Variants in SLC25A21 observed in about 807,000 individuals in gnomAD.
SLC25A21 encodes the protein mitochondrial 2-oxodicarboxylate carrier.
A neutral mutation model predicts 43.8 loss-of-function variants in SLC25A21; 47 were observed. That is an observed-to-expected ratio of 1.07 (90% CI 0.85 to 1.37). The LOEUF (loss-of-function observed/expected upper bound fraction) is 1.37, where lower values mean the gene tolerates loss of function less well. Among genes scored for constraint, SLC25A21 ranks in the 40% most tolerant of loss-of-function variants. SLC25A21 has a pLI of 0.00. For synonymous variants in SLC25A21, 131 were observed against 121.3 expected (o/e 1.08, Z -0.52); for missense variants, 352 against 350.2 (o/e 1.00, Z -0.04).
At chr14:37,025,030 A>G (rs1221202475) in intron 1 of SLC25A21, among the ~76,000 whole-genome samples, 1 of 152,124 alleles carries the variant, frequency 6.6e-6, no homozygotes, top group Non-Finnish European at 1.5e-5. Flanking sequence ...TATTCTGTAC[A>G]GGCTTCAAAG....
intron 1 of SLC25A21, among the ~76,000 whole-genome samples, chr14:37,064,874 G>A (rs1175890371): frequency 6.6e-6 from 1 of 152,136 alleles, no homozygotes; most frequent in African/African-American, 2.4e-5. Context: ...AAAGAGTATA[G>A]AACATTGGGA....
intron 2 of SLC25A21, 83 bp from the exon 3 acceptor site, chr14:36,814,084 A>C: frequency 2.4e-6 from 2 of 850,930 alleles, no homozygotes; most frequent in Non-Finnish European, 3.8e-6. Context: ...TTAGAAACTC[A>C]GCTTTTCAGA....
At chr14:36,894,181 T>A (rs1891170217) in intron 1 of SLC25A21, among the ~76,000 whole-genome samples, 1 of 152,200 alleles carries the variant, frequency 6.6e-6, no homozygotes, top group Admixed American at 6.5e-5. Flanking sequence ...GCATGGAATG[T>A]TCTTCCATTT....
At chr14:37,045,434 G>T (rs905304083) in intron 1 of SLC25A21, among the ~76,000 whole-genome samples, 11 of 152,130 alleles carry the variant, frequency 7.2e-5, no homozygotes, top group Non-Finnish European at 1.5e-4. Flanking sequence ...AAGACAAACT[G>T]CTGGGGAAAA....
At position 36,954,498 on chromosome 14, in the gene SLC25A21, T is replaced by C. The variant is rs186590869; in HGVS notation, c.71-79494A>G. 1.2e-3 allele frequency among the ~76,000 whole-genome samples: 188 copies of C among 151,242 alleles called. 3 individuals are homozygous for C. The East Asian group carries it at 0.033, about 27-fold the overall frequency. On this transcript the variant is annotated intron_variant, in intron 1 of 9. Coordinates refer to ENST00000331299, the MANE Select transcript of SLC25A21 (RefSeq NM_030631.4). ...GAAAACACATACATACATATATATATATAAGAAATAATATATATTTAATTG... is the reference window on the plus strand; with the variant it reads ...GAAAACACATACATACATATATATACATAAGAAATAATATATATTTAATTG...
chr14:36,838,624 G>GA (rs1364912487), intron 2 of SLC25A21, among the ~76,000 whole-genome samples: 5 of 152,144 alleles, frequency 3.3e-5, no homozygotes, highest in Non-Finnish European at 7.4e-5. Flanking sequence ...TTAGAGACAG[G>GA]AAAAAGTGAA....
intron 1 of SLC25A21, among the ~76,000 whole-genome samples, chr14:37,123,680 T>C (rs1963249843): frequency 6.6e-6 from 1 of 152,034 alleles, no homozygotes; most frequent in Non-Finnish European, 1.5e-5. Context: ...TTGTATAACA[T>C]AAATCATGAC....
At chr14:36,745,089 C>A (rs148372812) in intron 3 of SLC25A21, among the ~76,000 whole-genome samples, 1 of 148,346 alleles carries the variant, frequency 6.7e-6, no homozygotes, top group Non-Finnish European at 1.5e-5. Flanking sequence ...TGAGAATATG[C>A]GCTGCCTTGT....
chr14:37,047,806 T>C (rs886502165), intron 1 of SLC25A21, among the ~76,000 whole-genome samples: 5 of 152,204 alleles, frequency 3.3e-5, no homozygotes, highest in African/African-American at 4.8e-5. Context: ...GCAAGGTAGA[T>C]GTGATTTCCA....
chr14:36,952,740 G>A lies in SLC25A21; in HGVS notation c.71-77736C>T, dbSNP rs184696570. The stretch of plus-strand genomic sequence containing the variant: ...AAAACAAAAACAGTGATTCCTTAGC[G>A]TTGTGACAATAAATCCCCAAATACA... On this transcript the variant is annotated intron_variant, in intron 1 of 9. Coordinates refer to ENST00000331299, the MANE Select transcript of SLC25A21 (RefSeq NM_030631.4). 2.0e-5 allele frequency among the ~76,000 whole-genome samples: 3 copies of A among 152,176 alleles called. No individual in the cohort carries two copies. In the South Asian group the frequency reaches 6.2e-4, roughly 32 times the overall value.
chr14:37,169,579 T>TC (rs1964086863), intron 1 of SLC25A21, among the ~76,000 whole-genome samples: 1 of 13,070 alleles, frequency 7.7e-5, no homozygotes, highest in African/African-American at 2.9e-4. Flanking sequence ...CAAAAGGTCA[T>TC]AACACACACA....
At chr14:36,904,881 G>T (rs182646111) in intron 1 of SLC25A21, among the ~76,000 whole-genome samples, 1 of 152,232 alleles carries the variant, frequency 6.6e-6, no homozygotes, top group Non-Finnish European at 1.5e-5. Flanking sequence ...GATTTGGGTG[G>T]GGACACAGCC....
intron 6 of SLC25A21, among the ~76,000 whole-genome samples, chr14:36,719,239 T>TATAA (rs1324902229): frequency 6.6e-6 from 1 of 152,196 alleles, no homozygotes; most frequent in African/African-American, 2.4e-5. Context: ...TTCTAGTTCT[T>TATAA]ATAAATATAC....
chr14:37,075,989 T>A (rs1594781629), intron 1 of SLC25A21, among the ~76,000 whole-genome samples: 2 of 152,192 alleles, frequency 1.3e-5, no homozygotes, highest in African/African-American at 4.8e-5. Flanking sequence ...GCTGTGAGGA[T>A]GGGCACCTGC....
intron 2 of SLC25A21, among the ~76,000 whole-genome samples, chr14:36,852,718 A>C (rs1054349669): frequency 6.6e-6 from 1 of 152,058 alleles, no homozygotes; most frequent in African/African-American, 2.4e-5. Flanking sequence ...TATTCTTTGG[A>C]GTCTACCATC....
At chr14:36,975,177 C>T (rs992373721) in intron 1 of SLC25A21, among the ~76,000 whole-genome samples, 1 of 152,166 alleles carries the variant, frequency 6.6e-6, no homozygotes, top group Non-Finnish European at 1.5e-5. Flanking sequence ...AAGAATTTAA[C>T]TGATGATGTC....
At chr14:36,847,762 G>A (rs1264461851) in intron 2 of SLC25A21, among the ~76,000 whole-genome samples, 2 of 152,222 alleles carry the variant, frequency 1.3e-5, no homozygotes, top group Non-Finnish European at 2.9e-5. Flanking sequence ...CTATGAGGTG[G>A]GAAAGACTGG....
chr14:36,742,470 A>G (rs1885312447), intron 3 of SLC25A21, among the ~76,000 whole-genome samples: 1 of 152,216 alleles, frequency 6.6e-6, no homozygotes, highest in African/African-American at 2.4e-5. Flanking sequence ...AAGTGTCAGC[A>G]GTTCACAGAA....
rs562927939 is a variant in SLC25A21 at position 36,689,167 on chromosome 14, G to A, written c.604-4242C>T. 7.9e-4 allele frequency among the ~76,000 whole-genome samples: 121 copies of A among 152,298 alleles called. 1 individual carries two copies. The highest frequency in any genetic ancestry group is 2.6e-3 in the African/African-American group (108 of 41,574). ...CAAGGAAGAGCAAGTCACATCTTAC[G>A]TGGATGGCAGCAGGCCAAAAAAAGA... On this transcript the variant is annotated intron_variant, in intron 7 of 9. Coordinates refer to ENST00000331299, the MANE Select transcript of SLC25A21 (RefSeq NM_030631.4).
Sources: gnomAD v4.1 joint callset for allele counts (sites outside exome capture counted in the v4.1 genomes callset) on GRCh38, gnomAD v4.1.1 for gene constraint, MANE v1.5 for transcripts, NCBI Gene and HGNC (gene_info 2026-07-23, HGNC 2026-07-21) for gene names.